CEP128: variants seen among roughly 807,000 people sequenced by gnomAD.
CEP128 encodes the protein centrosomal protein 128kDa.
Under a neutral mutation model 156.7 loss-of-function variants are expected in CEP128, and 132 were observed. The ratio of observed to expected loss-of-function variants is 0.84; its 90% CI spans 0.73 to 0.97. CEP128 has a LOEUF of 0.97. CEP128 is among the 50% of genes least tolerant of loss of function. CEP128 has a pLI of 0.00. For synonymous variants in CEP128, 469 were observed against 448.9 expected (o/e 1.04, Z -0.57); for missense variants, 1,252 against 1,281.9 (o/e 0.98, Z 0.36).
chr14:80,549,281 T>G (rs1484901437), intron 21 of CEP128, among the ~76,000 whole-genome samples: 1 of 152,182 alleles, frequency 6.6e-6, no homozygotes, highest in Non-Finnish European at 1.5e-5. Flanking sequence ...ACAGGGTTTG[T>G]GCAAAACCTT....
At chr14:80,944,881 A>C (rs552537901), upstream of CEP128, among the ~76,000 whole-genome samples, 468 of 150,794 alleles carry the variant, frequency 3.1e-3, 3 homozygotes, top group African/African-American at 0.01. Flanking sequence ...ACAAAACAAA[A>C]AAAAAAAAAA....
chr14:80,509,680 T>G (rs559964130), intron 23 of CEP128, among the ~76,000 whole-genome samples: 93 of 152,316 alleles, frequency 6.1e-4, no homozygotes, highest in African/African-American at 2.0e-3. Context: ...TGCCTGTACT[T>G]CTGGGGTATT....
chr14:80,905,728 A>G, intron 5 of CEP128: 1 of 360,722 alleles, frequency 2.8e-6, no homozygotes, highest in Non-Finnish European at 4.9e-6. Context: ...TGTCAGGTAA[A>G]GCTCTAATGT....
chr14:80,867,687 A>C (rs1030604230), intron 8 of CEP128, among the ~76,000 whole-genome samples: 1 of 152,126 alleles, frequency 6.6e-6, no homozygotes, highest in African/African-American at 2.4e-5. Context: ...AGAAAGAAAA[A>C]GAATTAAGAG....
At chr14:80,905,784 G>T in intron 5 of CEP128, 171 bp downstream of exon 5, 10 of 535,442 alleles carry the variant, frequency 1.9e-5, no homozygotes, top group Non-Finnish European at 2.8e-5. Context: ...TAACAACAAA[G>T]ACCCTTCAAT....
At chr14:80,813,538 T>C (rs1323482699) in intron 13 of CEP128, among the ~76,000 whole-genome samples, 2 of 152,280 alleles carry the variant, frequency 1.3e-5, no homozygotes, top group Admixed American at 6.5e-5. Flanking sequence ...AATTGTTTTA[T>C]TTTCTCCTGT....
chr14:80,646,087 A>T (rs1175502152), intron 19 of CEP128, among the ~76,000 whole-genome samples: 1 of 152,172 alleles, frequency 6.6e-6, no homozygotes, highest in Non-Finnish European at 1.5e-5. Flanking sequence ...CAGGATTTTT[A>T]GGGCAGTGAA....
intron 14 of CEP128, 60 bp from the exon 15 acceptor site, chr14:80,785,605 T>A: frequency 1.6e-6 from 2 of 1,237,660 alleles, no homozygotes; most frequent in African/African-American, 1.5e-5. Context: ...AAATTCACCA[T>A]AGACTCTGCC....
intron 13 of CEP128, among the ~76,000 whole-genome samples, chr14:80,811,036 G>A (rs1275239116): frequency 6.6e-6 from 1 of 152,130 alleles, no homozygotes; most frequent in African/African-American, 2.4e-5. Flanking sequence ...AGAATGTGCG[G>A]TGTTTGGTTT....
intron 20 of CEP128, among the ~76,000 whole-genome samples, chr14:80,569,826 G>C (rs550045383): frequency 6.6e-6 from 1 of 151,992 alleles, no homozygotes; most frequent in Non-Finnish European, 1.5e-5. Context: ...AAATACTCTA[G>C]ACAGGTTGGT....
At chr14:80,928,735 G>A (rs1387196284) in intron 2 of CEP128, among the ~76,000 whole-genome samples, 2 of 152,122 alleles carry the variant, frequency 1.3e-5, no homozygotes, top group Non-Finnish European at 2.9e-5. Context: ...ATTAACTCGA[G>A]ATGGATTAAA....
At chr14:80,868,496 G>A (rs1887878200) in intron 8 of CEP128, among the ~76,000 whole-genome samples, 1 of 151,970 alleles carries the variant, frequency 6.6e-6, no homozygotes, top group Non-Finnish European at 1.5e-5. Flanking sequence ...AAAAAAACTT[G>A]TGCATATTTA....
chr14:80,616,859 C>CA (rs1566813419), intron 19 of CEP128, among the ~76,000 whole-genome samples: 6 of 151,766 alleles, frequency 4.0e-5, no homozygotes, highest in South Asian at 4.2e-4. Flanking sequence ...AGTTTAAAAA[C>CA]AAAAAAAGAG....
chr14:80,867,880 A>G (rs1255563093), intron 8 of CEP128, among the ~76,000 whole-genome samples: 1 of 152,128 alleles, frequency 6.6e-6, no homozygotes, highest in Non-Finnish European at 1.5e-5. Flanking sequence ...CAAATAGATT[A>G]AATATAAAGA....
intron 23 of CEP128, 144 bp downstream of exon 23, chr14:80,526,725 G>A (rs1888987586): frequency 4.0e-6 from 2 of 504,708 alleles, no homozygotes; most frequent in South Asian, 3.4e-5. Flanking sequence ...CATTTCCACA[G>A]AATTGAAAGT....
At chr14:80,936,838 T>C (rs1322026501) in intron 2 of CEP128, among the ~76,000 whole-genome samples, 1 of 152,210 alleles carries the variant, frequency 6.6e-6, no homozygotes, top group African/African-American at 2.4e-5. Context: ...TTCTTATCTA[T>C]CTGTTTTATA....
chr14:80,765,081 G>A (rs1311414672), intron 16 of CEP128, among the ~76,000 whole-genome samples: 1 of 152,208 alleles, frequency 6.6e-6, no homozygotes, highest in Admixed American at 6.5e-5. Flanking sequence ...TAAAGATGGA[G>A]TAAGTGATTG....
At chr14:80,477,947 G>A (rs1886973399) in exon 15 of CEP128, 1 of 152,038 alleles carries the variant, frequency 6.6e-6, no homozygotes, top group Non-Finnish European at 1.5e-5. Flanking sequence ...ATTTACTCAT[G>A]AAATCCACCC....
At chr14:80,849,749 T>C (rs1249907743) in intron 9 of CEP128, among the ~76,000 whole-genome samples, 1 of 152,080 alleles carries the variant, frequency 6.6e-6, no homozygotes, top group Non-Finnish European at 1.5e-5. Context: ...AGGCAAAGGA[T>C]AATCTATCTG....
Sources: allele counts gnomAD v4.1 joint callset (sites outside exome capture counted in the v4.1 genomes callset), GRCh38; gene constraint gnomAD v4.1.1; transcripts MANE v1.5; gene names NCBI Gene and HGNC (gene_info 2026-07-23, HGNC 2026-07-21).